MTARC1: variants seen among roughly 807,000 people sequenced by gnomAD.
The protein encoded by MTARC1 is mitochondrial amidoxime-reducing component 1.
MTARC1 carries 24 observed loss-of-function variants against 33.6 expected under a neutral mutation model. That is an observed-to-expected ratio of 0.72 (90% CI 0.52 to 1.01). MTARC1 has a LOEUF of 1.01. Among genes scored for constraint, MTARC1 ranks in the 50% least tolerant of loss-of-function variants. The pLI, the probability that MTARC1 is intolerant of heterozygous loss-of-function variation, is 0.00. For synonymous variants in MTARC1, 187 were observed against 189.5 expected (o/e 0.99, Z 0.11); for missense variants, 417 against 445.7 (o/e 0.94, Z 0.58).
intron 2 of MTARC1, among the ~76,000 whole-genome samples, chr1:220,795,531 A>G (rs986457666): frequency 1.8e-4 from 28 of 152,382 alleles, no homozygotes; most frequent in African/African-American, 5.8e-4. Context: ...ATTTATTTAA[A>G]AAAGAAACTT....
chr1:220,801,436 C>A (rs1571674127), intron 4 of MTARC1, among the ~76,000 whole-genome samples: 1 of 152,198 alleles, frequency 6.6e-6, no homozygotes, highest in East Asian at 1.9e-4. Flanking sequence ...TCCTTGAGGA[C>A]AGGGGCTGCT....
intron 4 of MTARC1, chr1:220,798,825 A>G: frequency 1.0e-6 from 1 of 982,926 alleles, no homozygotes; most frequent in Non-Finnish European, 1.2e-6. Context: ...CATTTCCTCC[A>G]TAACAGGGAA....
chr1:220,798,588 A>G (rs1203394249), intron 4 of MTARC1: 2 of 984,852 alleles, frequency 2.0e-6, no homozygotes, highest in Non-Finnish European at 2.4e-6. Context: ...CTGGCAGCAA[A>G]TTTACCTTTG....
intron 2 of MTARC1, chr1:220,793,643 G>A (rs750492275): frequency 6.6e-6 from 1 of 152,156 alleles, no homozygotes; most frequent in Non-Finnish European, 1.5e-5. Flanking sequence ...GGTCGAAGAT[G>A]TTACTTGATT....
Position 220,810,848 on chromosome 1 carries a change from G to T in MTARC1, c.888-2444G>T, listed in dbSNP as rs145219161. ...TCCACTAGACTCTGAAGTCAGCCAG[G>T]CCTGGGCTCTGGCCCCAGCTGGATC... On this transcript the variant is annotated intron_variant, in intron 6 of 6. Transcript: ENST00000366910. Among the ~76,000 whole-genome samples the T allele has an allele frequency of 2.1e-3, 318 of 152,276 alleles. 1 individual carries two copies. The highest frequency in any genetic ancestry group is 6.4e-3 in the African/African-American group (267 of 41,534).
intron 4 of MTARC1, among the ~76,000 whole-genome samples, chr1:220,802,623 C>G (rs374558195): frequency 6.6e-6 from 1 of 152,208 alleles, no homozygotes; most frequent in Non-Finnish European, 1.5e-5. Context: ...TGAGCCACTG[C>G]GCCTGGCCCC....
At chr1:220,805,464 A>T (rs954623592) in intron 6 of MTARC1, among the ~76,000 whole-genome samples, 190 bp downstream of exon 6, 6 of 152,248 alleles carry the variant, frequency 3.9e-5, no homozygotes, top group Non-Finnish European at 8.8e-5. Context: ...ATGTCTGCTT[A>T]AACAAGTACT....
At chr1:220,789,080 G>T (rs1319717566) in intron 1 of MTARC1, among the ~76,000 whole-genome samples, 3 of 151,930 alleles carry the variant, frequency 2.0e-5, no homozygotes, top group African/African-American at 7.3e-5. Flanking sequence ...GTTGTGACAC[G>T]TGCCAGGGTG....
intron 6 of MTARC1, among the ~76,000 whole-genome samples, chr1:220,806,340 C>A (rs1278355801): frequency 6.6e-6 from 1 of 152,202 alleles, no homozygotes; most frequent in Non-Finnish European, 1.5e-5. Context: ...GTGTAAGACC[C>A]TTCCTTGGCT....
intron 2 of MTARC1, among the ~76,000 whole-genome samples, chr1:220,795,550 T>TA (rs1672582484): frequency 6.6e-6 from 1 of 152,242 alleles, no homozygotes; most frequent in Non-Finnish European, 1.5e-5. Flanking sequence ...TTTATGTAGT[T>TA]ACCTATATAA....
chr1:220,803,815 A>G (rs974291120), intron 4 of MTARC1, among the ~76,000 whole-genome samples: 21 of 151,968 alleles, frequency 1.4e-4, no homozygotes, highest in African/African-American at 5.1e-4. Context: ...TTTTGTGACC[A>G]TAGTGCCCCC....
Position 220,818,088 on chromosome 1 carries a change from A to C in MTARC1, c.*4670A>C, listed in dbSNP as rs1673318425. 1 of 152,138 alleles carries C rather than the reference A, an allele frequency of 6.6e-6. No individual in the cohort carries two copies. The highest frequency in any genetic ancestry group is 1.5e-5 in the Non-Finnish European group (1 of 68,030). The allele number at this position is 152,138 out of a possible 1,614,324, so 9.4% of individuals were successfully genotyped here. A position where few individuals can be genotyped will look rare whatever the true frequency, so the allele number is the denominator to read the frequency against. On this transcript the variant is annotated 3_prime_UTR_variant, in exon 7 of 7. Coordinates refer to ENST00000366910, the MANE Select transcript of MTARC1 (RefSeq NM_022746.4). Reference sequence around the variant, plus strand: ...ATGAGTTATGATGATATCTAAAGTTACCCAATTTCAAGCAAGAGGAAGAAT... The same window carrying C: ...ATGAGTTATGATGATATCTAAAGTTCCCCAATTTCAAGCAAGAGGAAGAAT...
At chr1:220,794,592 A>G (rs1244887469) in intron 2 of MTARC1, among the ~76,000 whole-genome samples, 3 of 151,930 alleles carry the variant, frequency 2.0e-5, no homozygotes, top group Non-Finnish European at 4.4e-5. Flanking sequence ...AAATAAGTAG[A>G]TATGATTAAT....
chr1:220,808,902 TGGAGTCTGCCGTTG>T (rs1343524029), intron 6 of MTARC1: 1 of 471,024 alleles, frequency 2.1e-6, no homozygotes, highest in Admixed American at 2.4e-5. Context: ...AAGGAATGGC[TGGAGTCTGCCGTTG>T]TTGCTTCCAT....
chr1:220,792,652 G>A lies in MTARC1; in HGVS notation c.449+988G>A, dbSNP rs12024040. On this transcript the variant is annotated intron_variant, in intron 2 of 6. Coordinates refer to ENST00000366910, the MANE Select transcript of MTARC1 (RefSeq NM_022746.4). The stretch of plus-strand genomic sequence containing the variant: ...TTGTTGAAAATTTGGGAAATACCAA[G>A]AAAAAAAAAAAAAAGAAACAAAAAC... Among the ~76,000 whole-genome samples, 1,063 of 116,864 alleles carry A rather than the reference G, an allele frequency of 9.1e-3. 7 individuals are homozygous for A. The highest frequency in any genetic ancestry group is 0.066 in the East Asian group (306 of 4,638). 76.7% of individuals were successfully genotyped at this position (116,864 alleles called of 152,430 possible).
At chr1:220,810,776 A>C (rs1358131653) in intron 6 of MTARC1, among the ~76,000 whole-genome samples, 1 of 152,114 alleles carries the variant, frequency 6.6e-6, no homozygotes. Context: ...CTGTGGGTGT[A>C]CTCAGGAGGA....
chr1:220,791,429 C>T, intron 1 of MTARC1, 62 bp from the exon 2 acceptor site: 1 of 1,561,556 alleles, frequency 6.4e-7, no homozygotes, highest in East Asian at 2.3e-5. Context: ...AATTGAAGCT[C>T]CTCCAGGGTC....
chr1:220,809,864 T>G (rs188500581), intron 6 of MTARC1, among the ~76,000 whole-genome samples: 99 of 152,330 alleles, frequency 6.5e-4, no homozygotes, highest in African/African-American at 2.3e-3. Flanking sequence ...CGCTGGTGAC[T>G]TATGGTCCCA....
Position 220,808,674 on chromosome 1 carries a change from C to A in MTARC1, c.887+3400C>A, listed in dbSNP as rs1006706727. Among the ~76,000 whole-genome samples the A allele has an allele frequency of 2.0e-5, 3 of 152,198 alleles. No homozygotes were observed. In the East Asian group the frequency reaches 5.8e-4, roughly 29 times the overall value. On this transcript the variant is annotated intron_variant, in intron 6 of 6. Coordinates refer to ENST00000366910, the MANE Select transcript of MTARC1 (RefSeq NM_022746.4). ...TCAGCTGGGAGACCTCTGTGCCTGA[C>A]CAGCCCTGCCTCCTGATGTTAGTCA...
Sources: allele counts gnomAD v4.1 joint callset (sites outside exome capture counted in the v4.1 genomes callset), GRCh38; gene constraint gnomAD v4.1.1; transcripts MANE v1.5; gene names NCBI Gene and HGNC (gene_info 2026-07-23, HGNC 2026-07-21).